DISC1: variants seen among roughly 807,000 people sequenced by gnomAD.
The protein encoded by DISC1 is DISC1 scaffold protein, also known as disrupted in schizophrenia 1 protein.
In DISC1, 57 loss-of-function variants were observed where a neutral mutation model predicts 84.5. The ratio of observed to expected loss-of-function variants is 0.67; its 90% CI spans 0.55 to 0.84. The LOEUF (loss-of-function observed/expected upper bound fraction) is 0.84, where lower values mean the gene tolerates loss of function less well. Among genes scored for constraint, DISC1 ranks in the 40% least tolerant of loss-of-function variants. The pLI is 0.00. For synonymous variants in DISC1, 411 were observed against 415.2 expected (o/e 0.99, Z 0.12); for missense variants, 1,000 against 1,057.8 (o/e 0.95, Z 0.76).
At position 231,881,665 on chromosome 1, in the gene DISC1, A is replaced by C. The variant is rs552426847; in HGVS notation, c.1981+63148A>C. ...CCAGCCAGGGTCCCGCTTCAAGACG[A>C]GCACTTCCTCTTCCTTCACCATGCA... On this transcript the variant is annotated intron_variant, in intron 9 of 12. Transcript: ENST00000439617. Among the ~76,000 whole-genome samples the C allele has an allele frequency of 2.0e-5, 3 of 152,174 alleles. No homozygotes were observed. The South Asian group carries it at 6.2e-4, about 32-fold the overall frequency.
chr1:232,009,065 A>C lies in DISC1; in HGVS notation c.2307+16A>C. The C allele has an allele frequency of 6.2e-7, 1 of 1,613,720 alleles. No individual in the cohort carries two copies. The highest frequency in any genetic ancestry group is 8.5e-7 in the Non-Finnish European group (1 of 1,179,768). ...ACAGAAAGAGGTCTGTCCTTTTCAC[A>C]TGGCCTCCAGAGGGGACCCTTATTC... On this transcript the variant is annotated intron_variant, in intron 11 of 12. Transcript: ENST00000439617. The surrounding 1 kb of genome is among the most constrained non-coding windows in gnomAD (Gnocchi z 4.6).
chr1:231,693,693 A>C, intron 1 of DISC1, 133 bp from the exon 2 acceptor site: 1 of 1,387,484 alleles, frequency 7.2e-7, no homozygotes, highest in Non-Finnish European at 1.0e-6. Context: ...CCCTGGGACC[A>C]CTGAGCCAGC....
At chr1:231,632,346 G>A (rs1335839301) in intron 1 of DISC1, among the ~76,000 whole-genome samples, 1 of 152,128 alleles carries the variant, frequency 6.6e-6, no homozygotes, top group Non-Finnish European at 1.5e-5. Flanking sequence ...GTGGCCTTGT[G>A]CTTGCTCATC....
chr1:231,662,837 G>A (rs765985929), intron 1 of DISC1, among the ~76,000 whole-genome samples: 1 of 152,180 alleles, frequency 6.6e-6, no homozygotes, highest in Admixed American at 6.5e-5. Flanking sequence ...GCATCAAAAT[G>A]TGCCTCTGTA....
At chr1:232,025,197 G>C (rs1669331573) in intron 11 of DISC1, among the ~76,000 whole-genome samples, 1 of 152,132 alleles carries the variant, frequency 6.6e-6, no homozygotes, top group Non-Finnish European at 1.5e-5. Context: ...TTATTATTTG[G>C]GGCCTTTGAA....
intron 1 of DISC1, among the ~76,000 whole-genome samples, chr1:231,664,647 A>G (rs1222321894): frequency 1.3e-5 from 2 of 152,164 alleles, no homozygotes; most frequent in Non-Finnish European, 2.9e-5. Flanking sequence ...TGACACCTTG[A>G]TTTTAGCCCA....
At chr1:231,827,290 T>TA (rs1379839765) in intron 9 of DISC1, among the ~76,000 whole-genome samples, 4 of 152,076 alleles carry the variant, frequency 2.6e-5, no homozygotes, top group South Asian at 4.2e-4. Context: ...CCAGCATAAA[T>TA]AAAAAAAATT....
Position 231,767,121 on chromosome 1 carries a change from A to G in DISC1, c.1269-19A>G. The stretch of plus-strand genomic sequence containing the variant: ...TCAGCTTCTGCATACCTGTACCAAT[A>G]GGTATGTGTTGTTTTAAGGGCCAGC... On this transcript the variant is annotated intron_variant, in intron 4 of 12. Transcript: ENST00000439617. 1 of 1,613,592 alleles carries G rather than the reference A, an allele frequency of 6.2e-7. No homozygotes were observed. Among genetic ancestry groups the G allele is most frequent in the East Asian group, 2.2e-5 (1 of 44,848 alleles).
chr1:231,988,171 G>GTCTC (rs1268689628), intron 10 of DISC1, among the ~76,000 whole-genome samples: 29 of 152,166 alleles, frequency 1.9e-4, no homozygotes, highest in African/African-American at 6.5e-4. Flanking sequence ...GGGCGACAGA[G>GTCTC]TGAGACCCTG....
chr1:231,783,763 T>A (rs1373605080), intron 6 of DISC1, among the ~76,000 whole-genome samples: 2 of 152,184 alleles, frequency 1.3e-5, no homozygotes, highest in African/African-American at 4.8e-5. Context: ...ATGTGCCAAT[T>A]TGGAAAGTTC....
At chr1:231,668,899 G>A (rs1432101090) in intron 1 of DISC1, among the ~76,000 whole-genome samples, 1 of 152,158 alleles carries the variant, frequency 6.6e-6, no homozygotes, top group Non-Finnish European at 1.5e-5. Context: ...ATTTCCTATG[G>A]CAGTCTTTGA....
intron 9 of DISC1, among the ~76,000 whole-genome samples, chr1:231,950,248 G>GTGTGTGTGTGTGTGTGT (rs1553405371): frequency 6.7e-6 from 1 of 148,724 alleles, no homozygotes; most frequent in South Asian, 2.1e-4. Context: ...GTGTGTGTGT[G>GTGTGTGTGTGTGTGTGT]ATGCCCATAT....
chr1:231,809,410 TTA>T (rs1558583270), intron 8 of DISC1, among the ~76,000 whole-genome samples: 2 of 151,702 alleles, frequency 1.3e-5, no homozygotes, highest in African/African-American at 4.8e-5. Context: ...TATTTTTTTT[TTA>T]TCTCACCTGC....
chr1:231,720,158 G>A (rs1435830311), intron 3 of DISC1, among the ~76,000 whole-genome samples: 1 of 152,154 alleles, frequency 6.6e-6, no homozygotes, highest in Non-Finnish European at 1.5e-5. Context: ...AACATTTAGT[G>A]TAATTAGTTC....
At chr1:231,712,492 C>T (rs2068004890) in intron 3 of DISC1, among the ~76,000 whole-genome samples, 1 of 152,152 alleles carries the variant, frequency 6.6e-6, no homozygotes, top group South Asian at 2.1e-4. Flanking sequence ...AAAGTTTAAG[C>T]AACCAAGCAA....
chr1:231,640,710 A>AT (rs1250269279), intron 1 of DISC1, among the ~76,000 whole-genome samples: 1 of 151,152 alleles, frequency 6.6e-6, no homozygotes, highest in Non-Finnish European at 1.5e-5. Context: ...ATTTTTATTT[A>AT]TTTTTTGTAG....
chr1:232,036,772 G>T lies in DISC1; in HGVS notation c.2506G>T (p.Gly836Ter). The change falls in exon 13 of 13, where the codon GGA (glycine) becomes TGA (stop). Residue 836 changes from glycine to a stop codon, truncating the protein, a stop_gained. Transcript: ENST00000439617. LOFTEE classifies it high-confidence loss of function. ...GCAGCTCCAGCCAGCAAAGGAGGCG[G>T]GAGAAAGAGAAGCTGCAGCTTCCTG... Reference protein sequence around the residue: ...ILQLQPAKEAGEREAAASCMT... With the variant: ...ILQLQPAKEA The T allele has an allele frequency of 6.2e-7, 1 of 1,606,000 alleles. No individual in the cohort carries two copies. The highest frequency in any genetic ancestry group is 8.5e-7 in the Non-Finnish European group (1 of 1,174,680).
chr1:231,981,386 A>G (rs1405936768), intron 10 of DISC1, among the ~76,000 whole-genome samples: 1 of 152,198 alleles, frequency 6.6e-6, no homozygotes, highest in Non-Finnish European at 1.5e-5. Flanking sequence ...GTGACTTTGG[A>G]CAGAAGACTG....
intron 9 of DISC1, among the ~76,000 whole-genome samples, chr1:231,836,788 G>C (rs561231911): frequency 6.6e-6 from 1 of 152,236 alleles, no homozygotes; most frequent in African/African-American, 2.4e-5. Flanking sequence ...GGATGTCCGC[G>C]TGCTCTGGAT....
Sources: allele counts gnomAD v4.1 joint callset (sites outside exome capture counted in the v4.1 genomes callset), GRCh38; gene constraint gnomAD v4.1.1; non-coding constraint Gnocchi (gnomAD v3.1); transcripts MANE v1.5; gene names NCBI Gene and HGNC (gene_info 2026-07-23, HGNC 2026-07-21).